GPC5: variants seen among roughly 807,000 people sequenced by gnomAD.
GPC5 encodes glypican 5.
GPC5 carries 47 observed loss-of-function variants against 53.9 expected under a neutral mutation model. The ratio of observed to expected loss-of-function variants is 0.87; its 90% CI spans 0.69 to 1.11. The LOEUF (loss-of-function observed/expected upper bound fraction) is 1.11. Ranked by LOEUF, GPC5 falls within the 50% of genes most tolerant of loss-of-function variation. The pLI is 0.00. For missense variants in GPC5, 748 were observed against 713.1 expected (o/e 1.05, Z -0.56); for synonymous variants, 286 against 263.3 (o/e 1.09, Z -0.84).
intron 7 of GPC5, among the ~76,000 whole-genome samples, chr13:92,601,849 A>G (rs1884070574): frequency 6.6e-6 from 1 of 151,762 alleles, no homozygotes. Context: ...ACGTGGACTT[A>G]CTGAAAATTT....
chr13:91,506,530 A>G (rs1009596102), intron 2 of GPC5, among the ~76,000 whole-genome samples: 1 of 152,164 alleles, frequency 6.6e-6, no homozygotes, highest in Non-Finnish European at 1.5e-5. Flanking sequence ...TTCTGAAAGC[A>G]TGTAAGATCT....
intron 7 of GPC5, among the ~76,000 whole-genome samples, chr13:92,422,644 G>A (rs1273909873): frequency 6.6e-6 from 1 of 151,960 alleles, no homozygotes; most frequent in Non-Finnish European, 1.5e-5. Context: ...CCCATATTAG[G>A]CAAAGGTGGA....
intron 7 of GPC5, among the ~76,000 whole-genome samples, chr13:92,191,081 CAG>C (rs1351079628): frequency 2.0e-5 from 3 of 152,094 alleles, no homozygotes; most frequent in East Asian, 1.9e-4. Context: ...TAATTTCAGA[CAG>C]AGTGAGCTTC....
At chr13:92,414,041 AG>A (rs1324966987) in intron 7 of GPC5, among the ~76,000 whole-genome samples, 1 of 152,082 alleles carries the variant, frequency 6.6e-6, no homozygotes, top group Non-Finnish European at 1.5e-5. Flanking sequence ...AGTGAATTGG[AG>A]GGTTACTCAT....
At chr13:91,601,147 T>A (rs574378929) in intron 2 of GPC5, among the ~76,000 whole-genome samples, 80 of 152,318 alleles carry the variant, frequency 5.3e-4, no homozygotes, top group Middle Eastern at 3.4e-3. Context: ...GAAAGTCCAG[T>A]AGATAGTTTG....
intron 7 of GPC5, among the ~76,000 whole-genome samples, chr13:92,555,195 C>T (rs1367249459): frequency 6.6e-6 from 1 of 151,166 alleles, no homozygotes; most frequent in East Asian, 1.9e-4. Context: ...TTATCTGTTT[C>T]TACCAAATTC....
intron 7 of GPC5, among the ~76,000 whole-genome samples, chr13:92,467,674 G>A (rs998795619): frequency 6.6e-6 from 1 of 152,106 alleles, no homozygotes; most frequent in Admixed American, 6.6e-5. Context: ...ATGTAAAAGA[G>A]GCAACACTCT....
At chr13:91,884,409 T>G (rs1594639924) in intron 5 of GPC5, among the ~76,000 whole-genome samples, 1 of 152,270 alleles carries the variant, frequency 6.6e-6, no homozygotes, top group East Asian at 1.9e-4. Flanking sequence ...CCATGGCATA[T>G]TATGCAGCCA....
chr13:92,115,927 C>T lies in GPC5; in HGVS notation c.1402-28903C>T, dbSNP rs188660290. Among the ~76,000 whole-genome samples the T allele has an allele frequency of 7.7e-4, 117 of 151,900 alleles. 1 individual carries two copies. Among genetic ancestry groups the T allele is most frequent in the Admixed American group, 5.2e-3 (79 of 15,240 alleles). ...GGTTAAATAAGGTCATCAGAGTGGG[C>T]CCTAATCCTATATGTCTTGTGTTCT... On this transcript the variant is annotated intron_variant, in intron 6 of 7. Coordinates refer to ENST00000377067, the MANE Select transcript of GPC5 (RefSeq NM_004466.6).
At chr13:91,771,522 T>C (rs1307249289) in intron 5 of GPC5, among the ~76,000 whole-genome samples, 2 of 152,116 alleles carry the variant, frequency 1.3e-5, no homozygotes, top group Non-Finnish European at 2.9e-5. Flanking sequence ...TCTCCATTAA[T>C]AAGGAAATAA....
At chr13:92,670,166 T>G (rs753798082) in intron 7 of GPC5, among the ~76,000 whole-genome samples, 1 of 152,018 alleles carries the variant, frequency 6.6e-6, no homozygotes, top group Non-Finnish European at 1.5e-5. Flanking sequence ...TGAGGAGCCA[T>G]GTGGAATGTA....
intron 6 of GPC5, among the ~76,000 whole-genome samples, chr13:92,112,859 G>A (rs2041569324): frequency 6.6e-6 from 1 of 152,076 alleles, no homozygotes; most frequent in Non-Finnish European, 1.5e-5. Flanking sequence ...ATTCCTGATA[G>A]CTAAGGAGAA....
At chr13:92,462,047 A>T (rs1490890784) in intron 7 of GPC5, among the ~76,000 whole-genome samples, 1 of 152,194 alleles carries the variant, frequency 6.6e-6, no homozygotes, top group Non-Finnish European at 1.5e-5. Context: ...ACTATCAGGA[A>T]ACTCTACCAG....
At chr13:92,051,204 T>C (rs558180379) in intron 6 of GPC5, among the ~76,000 whole-genome samples, 45 of 143,392 alleles carry the variant, frequency 3.1e-4, no homozygotes, top group Middle Eastern at 6.9e-3. Flanking sequence ...TTTTTCTTTT[T>C]TTTTTTTTTT....
intron 2 of GPC5, among the ~76,000 whole-genome samples, chr13:91,540,781 G>T (rs529718798): frequency 6.6e-6 from 1 of 152,148 alleles, no homozygotes; most frequent in South Asian, 2.1e-4. Flanking sequence ...TAGATTCCCT[G>T]TGATCATGAT....
intron 7 of GPC5, among the ~76,000 whole-genome samples, chr13:92,781,846 G>C (rs1041537094): frequency 1.3e-4 from 20 of 152,182 alleles, no homozygotes; most frequent in Admixed American, 4.6e-4. Context: ...ATTAGTAGCT[G>C]CTGCCAGCCA....
At chr13:92,597,938 T>C (rs1883931970) in intron 7 of GPC5, among the ~76,000 whole-genome samples, 1 of 152,212 alleles carries the variant, frequency 6.6e-6, no homozygotes, top group South Asian at 2.1e-4. Context: ...CTGTGTTCCC[T>C]TGAGAGCTTC....
At chr13:92,398,412 G>A (rs1438080513) in intron 7 of GPC5, among the ~76,000 whole-genome samples, 8 of 104,632 alleles carry the variant, frequency 7.6e-5, no homozygotes, top group Non-Finnish European at 1.8e-5. Flanking sequence ...CTGGGCGACA[G>A]AGCGAGACTC....
chr13:92,696,636 A>G (rs1028524619), intron 7 of GPC5, among the ~76,000 whole-genome samples: 1 of 152,072 alleles, frequency 6.6e-6, no homozygotes, highest in Non-Finnish European at 1.5e-5. Context: ...ATTTTCTCCC[A>G]TTCTGTAGGT....
Sources: allele counts gnomAD v4.1 joint callset (sites outside exome capture counted in the v4.1 genomes callset), GRCh38; gene constraint gnomAD v4.1.1; transcripts MANE v1.5; gene names NCBI Gene and HGNC (gene_info 2026-07-23, HGNC 2026-07-21).